Variants in CTNNA3 observed in about 807,000 individuals in gnomAD.
CTNNA3 encodes the protein catenin alpha-3.
A neutral mutation model predicts 95.7 loss-of-function variants in CTNNA3; 76 were observed. The ratio of observed to expected loss-of-function variants is 0.79; its 90% CI spans 0.66 to 0.96. The LOEUF (loss-of-function observed/expected upper bound fraction) is 0.96, where lower values mean the gene tolerates loss of function less well. CTNNA3 is among the 40% of genes least tolerant of loss of function. The pLI is 0.00. For missense variants in CTNNA3, 1,191 were observed against 1,089.8 expected (o/e 1.09, Z -1.31); for synonymous variants, 431 against 374.4 (o/e 1.15, Z -1.74).
At chr10:67,046,501 G>C (rs1050140406) in intron 7 of CTNNA3, among the ~76,000 whole-genome samples, 4 of 152,078 alleles carry the variant, frequency 2.6e-5, no homozygotes, top group African/African-American at 9.7e-5. Flanking sequence ...AGAAGAACAA[G>C]GGGATTCCTG....
chr10:66,861,136 T>C (rs1843906347), intron 7 of CTNNA3, among the ~76,000 whole-genome samples: 1 of 152,222 alleles, frequency 6.6e-6, no homozygotes, highest in Non-Finnish European at 1.5e-5. Context: ...CTATGATGAA[T>C]ACTGAGGGTG....
At chr10:66,822,021 A>T (rs965950960) in intron 7 of CTNNA3, among the ~76,000 whole-genome samples, 1 of 151,206 alleles carries the variant, frequency 6.6e-6, no homozygotes, top group Non-Finnish European at 1.5e-5. Context: ...AATTAACAAC[A>T]TCATTATTAA....
chr10:66,862,499 G>A (rs1377168120), intron 7 of CTNNA3, among the ~76,000 whole-genome samples: 1 of 152,124 alleles, frequency 6.6e-6, no homozygotes, highest in Non-Finnish European at 1.5e-5. Context: ...ACAAAGGCCT[G>A]TTTGTGGAGG....
intron 9 of CTNNA3, among the ~76,000 whole-genome samples, chr10:66,736,792 A>C (rs1849158985): frequency 6.6e-6 from 1 of 151,912 alleles, no homozygotes. Flanking sequence ...TTTCAGAGAG[A>C]TGTGGTCTTA....
At chr10:67,684,554 A>C (rs1840693078) in intron 1 of CTNNA3, among the ~76,000 whole-genome samples, 1 of 152,098 alleles carries the variant, frequency 6.6e-6, no homozygotes, top group Non-Finnish European at 1.5e-5. Flanking sequence ...TGCTTTTGGG[A>C]ATTGGGCGAT....
intron 1 of CTNNA3, among the ~76,000 whole-genome samples, chr10:67,748,366 C>A (rs1190140972): frequency 6.6e-6 from 1 of 152,084 alleles, no homozygotes; most frequent in African/African-American, 2.4e-5. Context: ...AAGGCCAGGT[C>A]ACCTACAAAA....
At chr10:66,675,550 A>C (rs542840763) in intron 9 of CTNNA3, among the ~76,000 whole-genome samples, 6 of 152,140 alleles carry the variant, frequency 3.9e-5, no homozygotes, top group African/African-American at 1.4e-4. Context: ...CAAAGTAAAT[A>C]GCTGTCAACA....
chr10:66,298,976 C>G (rs890357409), intron 12 of CTNNA3, among the ~76,000 whole-genome samples: 1 of 152,118 alleles, frequency 6.6e-6, no homozygotes, highest in Non-Finnish European at 1.5e-5. Flanking sequence ...TCCCTCTGCT[C>G]ATTGAGATAA....
intron 7 of CTNNA3, among the ~76,000 whole-genome samples, chr10:66,895,292 C>T (rs1845437114): frequency 6.6e-6 from 1 of 152,086 alleles, no homozygotes; most frequent in East Asian, 1.9e-4. Flanking sequence ...TACAAACCAG[C>T]TGTGTCACTA....
At chr10:67,186,806 T>C (rs1443977869) in intron 6 of CTNNA3, among the ~76,000 whole-genome samples, 4 of 152,216 alleles carry the variant, frequency 2.6e-5, no homozygotes, top group African/African-American at 7.2e-5. Flanking sequence ...ACTCAATGTA[T>C]ACTTACCTCC....
At chr10:66,100,307 C>A (rs1165411867) in intron 14 of CTNNA3, among the ~76,000 whole-genome samples, 2 of 152,110 alleles carry the variant, frequency 1.3e-5, no homozygotes, top group Non-Finnish European at 2.9e-5. Flanking sequence ...GTTCGTGCCT[C>A]ATATAAGGTT....
At chr10:66,597,506 T>TCATA (rs1226549599) in intron 10 of CTNNA3, among the ~76,000 whole-genome samples, 11 of 94,646 alleles carry the variant, frequency 1.2e-4, no homozygotes, top group African/African-American at 3.1e-4. Context: ...GCATTTTATT[T>TCATA]CATACATATA....
intron 7 of CTNNA3, among the ~76,000 whole-genome samples, chr10:66,894,989 T>A (rs980406427): frequency 6.8e-6 from 1 of 147,176 alleles, no homozygotes; most frequent in East Asian, 1.9e-4. Flanking sequence ...TCACAATAAA[T>A]TATATATATT....
chr10:66,046,508 C>T lies in CTNNA3; in HGVS notation c.2159+22800G>A, dbSNP rs61261223. On this transcript the variant is annotated intron_variant, in intron 15 of 17. Transcript: ENST00000433211. Reference sequence around the variant, plus strand: ...AATTCATAGCACTAAATGGCCACATCAAAATTTAGAAAAATCTTAAATTAA... The same window carrying T: ...AATTCATAGCACTAAATGGCCACATTAAAATTTAGAAAAATCTTAAATTAA... Among the ~76,000 whole-genome samples the T allele has an allele frequency of 4.6e-3, 701 of 152,122 alleles. 6 individuals are homozygous for T. The highest frequency in any genetic ancestry group is 0.016 in the African/African-American group (651 of 41,486).
At chr10:66,983,673 C>A (rs889534456) in intron 7 of CTNNA3, among the ~76,000 whole-genome samples, 1 of 152,108 alleles carries the variant, frequency 6.6e-6, no homozygotes, top group African/African-American at 2.4e-5. Flanking sequence ...TCAGAAATGA[C>A]CTCAGGTGGA....
intron 12 of CTNNA3, among the ~76,000 whole-genome samples, chr10:66,342,197 A>G (rs959264630): frequency 2.6e-5 from 4 of 152,132 alleles, no homozygotes; most frequent in Non-Finnish European, 4.4e-5. Flanking sequence ...CTTAGCATTT[A>G]GTGTTCAACC....
At chr10:66,318,365 A>G (rs1408760862) in intron 12 of CTNNA3, among the ~76,000 whole-genome samples, 1 of 151,544 alleles carries the variant, frequency 6.6e-6, no homozygotes, top group African/African-American at 2.4e-5. Context: ...TGCATACTCT[A>G]TAATCCCAGT....
At chr10:66,107,221 C>T (rs995030981) in intron 13 of CTNNA3, among the ~76,000 whole-genome samples, 2 of 152,128 alleles carry the variant, frequency 1.3e-5, no homozygotes, top group African/African-American at 4.8e-5. Flanking sequence ...AACGTTATTT[C>T]TCATATCAGA....
chr10:67,470,245 C>T (rs966931284), intron 5 of CTNNA3, among the ~76,000 whole-genome samples: 6 of 152,168 alleles, frequency 3.9e-5, no homozygotes, highest in Non-Finnish European at 8.8e-5. Context: ...ATAATAACCT[C>T]CAGTCCCAAC....
Sources: gnomAD v4.1 joint callset for allele counts (sites outside exome capture counted in the v4.1 genomes callset) on GRCh38, gnomAD v4.1.1 for gene constraint, MANE v1.5 for transcripts, NCBI Gene and HGNC (gene_info 2026-07-23, HGNC 2026-07-21) for gene names.